The following NBR1 variants were observed in gnomAD, a reference collection of about 807,000 sequenced individuals.
The protein encoded by NBR1 is next to BRCA1 gene 1 protein.
NBR1 carries 59 observed loss-of-function variants against 115.5 expected under a neutral mutation model. That is an observed-to-expected ratio of 0.51 (90% CI 0.41 to 0.63). The LOEUF is 0.63. Ranked by LOEUF, NBR1 falls within the 30% of genes least tolerant of loss-of-function variation. The pLI is 0.00. For missense variants in NBR1, 1,043 were observed against 1,150.5 expected (o/e 0.91, Z 1.35); for synonymous variants, 373 against 414.7 (o/e 0.90, Z 1.22).
chr17:43,194,227 T>C, intron 12 of NBR1, 123 bp from the exon 13 acceptor site: 1 of 921,886 alleles, frequency 1.1e-6, no homozygotes, highest in South Asian at 1.8e-5. Flanking sequence ...TAAAAATATA[T>C]CAAAAACATT....
intron 8 of NBR1, 71 bp downstream of exon 8, chr17:43,189,873 A>G: frequency 7.6e-7 from 1 of 1,323,096 alleles, no homozygotes; most frequent in Non-Finnish European, 1.1e-6. Context: ...CTTTCTGTGT[A>G]GGTAAAGGGA....
chr17:43,198,963 AAATC>A lies in NBR1; in HGVS notation c.2027-1198_2027-1195del, dbSNP rs377294051. 6.6e-4 allele frequency among the ~76,000 whole-genome samples: 101 copies of A among 152,304 alleles called. 4 individuals carry two copies. Among genetic ancestry groups the A allele is most frequent in the African/African-American group, 2.3e-3 (95 of 41,566 alleles). On this transcript the variant is annotated intron_variant, in intron 16 of 20. Coordinates refer to ENST00000590996, the MANE Select transcript of NBR1 (RefSeq NM_005899.5). ...GGGCAACAGAGTGAGACTCCATCTC[AAATC>A]AATCAGTCATGTATATCTTTATATT...
intron 5 of NBR1, among the ~76,000 whole-genome samples, chr17:43,183,379 C>T (rs552079595): frequency 6.6e-6 from 1 of 151,788 alleles, no homozygotes; most frequent in South Asian, 2.1e-4. Context: ...CGCCACCACA[C>T]CCAGCTAATT....
rs772696509 is a variant in NBR1, at chr17:43,186,307, G to A, written c.265G>A (p.Val89Ile). 12 of 1,590,104 alleles carry A rather than the reference G, an allele frequency of 7.5e-6. No individual in the cohort carries two copies. The highest frequency in any genetic ancestry group is 2.3e-5 in the East Asian group (1 of 43,842). The change falls in exon 6 of 21, where the codon GTT becomes ATT. Residue 89 changes from valine (V) to isoleucine (I), a missense_variant. Val to Ile is a conservative substitution (Grantham distance 29). Coordinates refer to ENST00000590996, the MANE Select transcript of NBR1 (RefSeq NM_005899.5). ...GCAAGTCCACGAAGGGCACCATGTC[G>A]TTGATGAAGCCCCACCCCCAGTTGT... Reference protein sequence around the residue: ...QMQVHEGHHVVDEAPPPVVGA... With the variant: ...QMQVHEGHHVIDEAPPPVVGA...
chr17:43,179,548 G>A, intron 4 of NBR1, 136 bp downstream of exon 4: 1 of 844,168 alleles, frequency 1.2e-6, no homozygotes, highest in Non-Finnish European at 1.9e-6. Flanking sequence ...TAGTTACCTA[G>A]GGGATTTTAT....
Position 43,178,146 on chromosome 17 carries a change from T to C in NBR1, c.165+148T>C, listed in dbSNP as rs1378581602. ...TGATAACTGAATATTCTAAGAAGAC[T>C]TGCAGCATCTGAGATGGAGTTGAGA... On this transcript the variant is annotated intron_variant, in intron 3 of 20. Coordinates refer to ENST00000590996, the MANE Select transcript of NBR1 (RefSeq NM_005899.5). 3 of 962,152 alleles carry C rather than the reference T, an allele frequency of 3.1e-6. No individual in the cohort carries two copies. The South Asian group carries it at 4.8e-5, about 15-fold the overall frequency. The allele number at this position is 962,152 out of a possible 1,614,324, so 59.6% of individuals were successfully genotyped here.
intron 5 of NBR1, among the ~76,000 whole-genome samples, chr17:43,185,041 A>G (rs1013543299): frequency 8.6e-5 from 13 of 151,318 alleles, no homozygotes; most frequent in African/African-American, 3.2e-4. Flanking sequence ...GTGAGCCGAG[A>G]TTGCATCACT....
At chr17:43,190,922 A>T (rs1361717843) in intron 9 of NBR1, 146 bp downstream of exon 9, 1 of 830,318 alleles carries the variant, frequency 1.2e-6, no homozygotes, top group African/African-American at 1.7e-5. Context: ...ATCCAAAGTT[A>T]GTGAAATAGA....
intron 1 of NBR1, among the ~76,000 whole-genome samples, chr17:43,175,361 G>A (rs1271588787): frequency 6.6e-6 from 1 of 152,192 alleles, no homozygotes; most frequent in Non-Finnish European, 1.5e-5. Context: ...TCTTATCCAT[G>A]TTGGTATGTC....
At chr17:43,190,491 C>A in intron 8 of NBR1, 118 bp from the exon 9 acceptor site, 1 of 1,058,108 alleles carries the variant, frequency 9.5e-7, no homozygotes, top group Non-Finnish European at 1.4e-6. Context: ...AGTCAGATGG[C>A]ATGCTCAGGT....
At chr17:43,171,538 A>T (rs562357163) in intron 1 of NBR1, among the ~76,000 whole-genome samples, 1 of 152,284 alleles carries the variant, frequency 6.6e-6, no homozygotes, top group South Asian at 2.1e-4. Context: ...CTACTGATGG[A>T]AGGCCACGAC....
In NBR1 at chr17:43,180,798, A is replaced by G; in HGVS notation, c.188A>G (p.Glu63Gly). Reference sequence around the variant, plus strand: ...TGTATATTTTTTGTTCTTTTAGGAGAATATGAAGAAGCGCTTAAGGTAATG... The same window carrying G: ...TGTATATTTTTTGTTCTTTTAGGAGGATATGAAGAAGCGCTTAAGGTAATG... ...NEEVSINSQG[E>G]YEEALKMAVK... The change falls in exon 5 of 21, where the codon GAA (glutamate) becomes GGA (glycine). Residue 63 changes from glutamate to glycine, a missense_variant. By Grantham distance (98) the Glu-to-Gly change is moderately conservative. Transcript: ENST00000590996. 6.9e-7 allele frequency: 1 copy of G among 1,456,154 alleles called. No homozygotes were observed. The highest frequency in any genetic ancestry group is 1.4e-5 in the South Asian group (1 of 70,780). 90.2% of individuals were successfully genotyped at this position (1,456,154 alleles called of 1,614,324 possible).
intron 10 of NBR1, among the ~76,000 whole-genome samples, chr17:43,192,429 C>T (rs559176005): frequency 3.4e-4 from 51 of 151,878 alleles, no homozygotes; most frequent in Admixed American, 1.1e-3. Context: ...AGTGCAGTGG[C>T]GCGATCTCGG....
intron 13 of NBR1, 75 bp downstream of exon 13, chr17:43,194,574 C>T: frequency 6.6e-7 from 1 of 1,525,626 alleles, no homozygotes; most frequent in East Asian, 2.3e-5. Flanking sequence ...GAGCCATAGG[C>T]AGTAATCAGG....
intron 2 of NBR1, 193 bp downstream of exon 2, chr17:43,176,094 C>T (rs1424828381): frequency 4.5e-6 from 2 of 442,908 alleles, no homozygotes; most frequent in East Asian, 7.1e-5. Context: ...GGAACCAACA[C>T]ATAAATTTCC....
chr17:43,191,849 T>TA (rs1457245961), intron 10 of NBR1, among the ~76,000 whole-genome samples: 3 of 151,896 alleles, frequency 2.0e-5, no homozygotes, highest in African/African-American at 7.3e-5. Flanking sequence ...GCCTCCTGAG[T>TA]AGCTGGGACT....
chr17:43,180,817 G>T lies in NBR1; in HGVS notation c.207G>T (p.Lys69Asn). The T allele has an allele frequency of 2.1e-6, 3 of 1,444,604 alleles. No homozygotes were observed. The highest frequency in any genetic ancestry group is 2.7e-5 in the East Asian group (1 of 36,736). 89.5% of individuals were successfully genotyped at this position (1,444,604 alleles called of 1,614,324 possible). A position where few individuals can be genotyped will look rare whatever the true frequency, so the allele number is the denominator to read the frequency against. ...TAGGAGAATATGAAGAAGCGCTTAAGGTAATGATTATTTAATCTCATTTTT... is the reference window on the plus strand; with the variant it reads ...TAGGAGAATATGAAGAAGCGCTTAATGTAATGATTATTTAATCTCATTTTT... ...NSQGEYEEAL[K>N]MAVKQGNQLQ... Residue 69 changes from lysine to asparagine, a missense_variant and splice_region_variant, in exon 5 of 21, where the codon AAG (lysine) becomes AAT (asparagine). Coordinates refer to ENST00000590996, the MANE Select transcript of NBR1 (RefSeq NM_005899.5).
intron 5 of NBR1, among the ~76,000 whole-genome samples, chr17:43,181,429 T>A (rs960626541): frequency 3.1e-4 from 47 of 152,106 alleles, no homozygotes; most frequent in Admixed American, 9.2e-4. Context: ...CCCAGCACTT[T>A]GGGAGGCCGA....
chr17:43,210,070 A>G lies in NBR1; in HGVS notation c.2897A>G (p.Tyr966Cys). 6.2e-7 allele frequency: 1 copy of G among 1,609,688 alleles called. No homozygotes were observed. The highest frequency in any genetic ancestry group is 8.5e-7 in the Non-Finnish European group (1 of 1,178,032). Residue 966 changes from tyrosine to cysteine, a missense_variant, in exon 21 of 21, where the codon TAT becomes TGT. By Grantham distance (194) the Tyr-to-Cys change is radical. Coordinates refer to ENST00000590996, the MANE Select transcript of NBR1 (RefSeq NM_005899.5). Reference protein sequence around the residue: ...LNNNDWYSQRY With the variant: ...LNNNDWYSQRC ...AACAACGACTGGTACAGCCAACGCT[A>G]TTGAGGAGTGACCTTGTATTAAATA...
Sources: allele counts gnomAD v4.1 joint callset (sites outside exome capture counted in the v4.1 genomes callset), GRCh38; gene constraint gnomAD v4.1.1; transcripts MANE v1.5; gene names NCBI Gene and HGNC (gene_info 2026-07-23, HGNC 2026-07-21).